The following PRDM16 variants were observed in gnomAD, a reference collection of about 807,000 sequenced individuals.
PRDM16 encodes the protein histone-lysine N-methyltransferase PRDM16.
PRDM16 carries 23 observed loss-of-function variants against 110.6 expected under a neutral mutation model. The ratio of observed to expected loss-of-function variants is 0.21; its 90% CI spans 0.15 to 0.29. The LOEUF is 0.29. Among genes scored for constraint, PRDM16 ranks in the 10% least tolerant of loss-of-function variants. The pLI is 1.00. For missense variants in PRDM16, 1,615 were observed against 1,794.3 expected (o/e 0.90, Z 1.81); for synonymous variants, 799 against 781.8 (o/e 1.02, Z -0.37).
At chr1:3,410,545 G>T (rs888980280) in intron 8 of PRDM16, among the ~76,000 whole-genome samples, 1 of 152,176 alleles carries the variant, frequency 6.6e-6, no homozygotes, top group African/African-American at 2.4e-5. Context: ...CCCAAAGTCC[G>T]GGATCCCCGA....
intron 1 of PRDM16, among the ~76,000 whole-genome samples, chr1:3,150,899 C>CG (rs1288476683): frequency 1.8e-4 from 16 of 87,700 alleles, no homozygotes; most frequent in East Asian, 9.3e-4. Flanking sequence ...GCTATGGAAA[C>CG]GGGGGGGCTG....
chr1:3,374,880 G>A (rs964918841), intron 3 of PRDM16, among the ~76,000 whole-genome samples: 6 of 152,206 alleles, frequency 3.9e-5, no homozygotes, highest in Admixed American at 2.0e-4. Context: ...GCAGCCAGGC[G>A]GGGGAGCAGC....
intron 3 of PRDM16, among the ~76,000 whole-genome samples, chr1:3,366,982 C>G (rs757899486): frequency 2.6e-5 from 4 of 152,256 alleles, no homozygotes; most frequent in Non-Finnish European, 5.9e-5. Context: ...AAAGATGGAG[C>G]AAGGGCCGGG....
At chr1:3,343,456 T>G (rs1205320244) in intron 3 of PRDM16, among the ~76,000 whole-genome samples, 1 of 151,850 alleles carries the variant, frequency 6.6e-6, no homozygotes, top group African/African-American at 2.4e-5. Context: ...GTCTTTTGAT[T>G]GGTGAATGCT....
Position 3,148,152 on chromosome 1 carries a change from G to A in PRDM16, c.38-37973G>A, listed in dbSNP as rs1643711285. Among the ~76,000 whole-genome samples the A allele has an allele frequency of 1.3e-5, 2 of 152,128 alleles. No individual in the cohort carries two copies. The highest frequency in any genetic ancestry group is 4.8e-5 in the African/African-American group (2 of 41,426). On this transcript the variant is annotated intron_variant, in intron 1 of 16. Transcript: ENST00000270722. This position sits in a 1 kb window ranked among gnomAD's most constrained non-coding sequence, Gnocchi z 5.0. ...GGGCATCAGGACGGTTTTGTGGGAG[G>A]GGCTGGGCTGAGAGGTGGGAAGGAG...
intron 14 of PRDM16, among the ~76,000 whole-genome samples, chr1:3,429,534 G>A (rs1638708829): frequency 6.6e-6 from 1 of 152,230 alleles, no homozygotes; most frequent in Non-Finnish European, 1.5e-5. Flanking sequence ...AGTGGACAGG[G>A]AGGGGTATGT....
intron 3 of PRDM16, chr1:3,308,479 A>G (rs550781392): frequency 1.3e-5 from 2 of 151,994 alleles, no homozygotes; most frequent in African/African-American, 4.8e-5. Context: ...TCCTTCCCCT[A>G]GGAGGTCAGG....
intron 2 of PRDM16, among the ~76,000 whole-genome samples, chr1:3,220,187 C>G (rs1450193139): frequency 2.6e-5 from 4 of 152,186 alleles, no homozygotes; most frequent in African/African-American, 9.6e-5. Flanking sequence ...CACGCCGTCA[C>G]TCCGTCTGCG....
At chr1:3,369,025 T>C (rs1000692339) in intron 3 of PRDM16, among the ~76,000 whole-genome samples, 1 of 152,168 alleles carries the variant, frequency 6.6e-6, no homozygotes, top group African/African-American at 2.4e-5. Flanking sequence ...TAATAAACCA[T>C]TTTGATTCTA....
At chr1:3,237,551 G>A (rs1639565335) in intron 2 of PRDM16, among the ~76,000 whole-genome samples, 1 of 152,238 alleles carries the variant, frequency 6.6e-6, no homozygotes. Flanking sequence ...CACTCTCCGT[G>A]GGGCAGTGTA....
At chr1:3,216,927 CACT>C (rs1368028172) in intron 2 of PRDM16, among the ~76,000 whole-genome samples, 1 of 152,254 alleles carries the variant, frequency 6.6e-6, no homozygotes, top group Non-Finnish European at 1.5e-5. Flanking sequence ...CCTGGGCCAC[CACT>C]GTCTCTGACA....
chr1:3,136,180 T>C (rs1643434854), intron 1 of PRDM16, among the ~76,000 whole-genome samples: 2 of 151,708 alleles, frequency 1.3e-5, no homozygotes, highest in African/African-American at 4.8e-5. Context: ...GTTACAGGGG[T>C]GATGCTGCCC....
chr1:3,287,930 C>T (rs1640894294), intron 3 of PRDM16, among the ~76,000 whole-genome samples: 1 of 152,252 alleles, frequency 6.6e-6, no homozygotes, highest in South Asian at 2.1e-4. Flanking sequence ...GTTTCTCACC[C>T]CGGCTGGGGC....
At chr1:3,366,455 A>G (rs1270357279) in intron 3 of PRDM16, among the ~76,000 whole-genome samples, 2 of 152,152 alleles carry the variant, frequency 1.3e-5, no homozygotes, top group African/African-American at 2.4e-5. Flanking sequence ...CCCATCTCCC[A>G]GGCTGTGCCG....
At chr1:3,127,813 G>T (rs561361985) in intron 1 of PRDM16, among the ~76,000 whole-genome samples, 1 of 152,226 alleles carries the variant, frequency 6.6e-6, no homozygotes, top group Non-Finnish European at 1.5e-5. Flanking sequence ...CCCATGGTGT[G>T]GGGGGACAGT....
intron 3 of PRDM16, among the ~76,000 whole-genome samples, chr1:3,377,396 G>A (rs1364798911): frequency 6.6e-6 from 1 of 152,240 alleles, no homozygotes; most frequent in Non-Finnish European, 1.5e-5. Flanking sequence ...GGCTGGCCAT[G>A]CCCACTGAAC....
intron 3 of PRDM16, among the ~76,000 whole-genome samples, chr1:3,327,605 T>C (rs935971662): frequency 6.6e-6 from 1 of 152,222 alleles, no homozygotes; most frequent in Non-Finnish European, 1.5e-5. Flanking sequence ...CTGCCGCCCA[T>C]GACATCTGGG....
rs1386571842 is a variant in PRDM16, at chr1:3,124,972, C to T, written c.37+55676C>T. Among the ~76,000 whole-genome samples the T allele has an allele frequency of 3.9e-5, 6 of 152,356 alleles. No individual in the cohort carries two copies. The South Asian group carries it at 1.2e-3, about 32-fold the overall frequency. On this transcript the variant is annotated intron_variant, in intron 1 of 16. Transcript: ENST00000270722. ...GGCCCCTGTGTGTCCTGGGTTCCAG[C>T]TCCCGCAATGTTCAGGTTCCTGTCA...
intron 1 of PRDM16, among the ~76,000 whole-genome samples, chr1:3,158,214 C>T (rs905700957): frequency 3.3e-5 from 5 of 152,160 alleles, no homozygotes; most frequent in African/African-American, 4.8e-5. Context: ...GACCGAGTCA[C>T]GCTCTCCATC....
Sources: gnomAD v4.1 joint callset for allele counts (sites outside exome capture counted in the v4.1 genomes callset) on GRCh38, gnomAD v4.1.1 for gene constraint, Gnocchi (gnomAD v3.1) non-coding constraint, MANE v1.5 for transcripts, NCBI Gene and HGNC (gene_info 2026-07-23, HGNC 2026-07-21) for gene names.